SCOC: variants seen among roughly 807,000 people sequenced by gnomAD.
SCOC encodes short coiled coil protein.
A neutral mutation model predicts 9.9 loss-of-function variants in SCOC; 7 were observed. The ratio of observed to expected loss-of-function variants is 0.71; its 90% CI spans 0.40 to 1.33. SCOC has a LOEUF of 1.33. Ranked by LOEUF, SCOC falls within the 40% of genes most tolerant of loss-of-function variation. The pLI is 0.01. For synonymous variants in SCOC, 19 were observed against 28.2 expected, an observed-to-expected ratio of 0.67 and a Z score of 1.03; for missense variants, 66 against 89.7, an observed-to-expected ratio of 0.74 and a Z score of 1.07.
chr4:140,321,835 C>T (rs766786108), intron 1 of SCOC, among the ~76,000 whole-genome samples: 1 of 152,172 alleles, frequency 6.6e-6, no homozygotes, highest in African/African-American at 2.4e-5. Flanking sequence ...ATGTATCCCC[C>T]TCAGATTCAT....
At chr4:140,352,819 A>T (rs1727038679) in intron 2 of SCOC, among the ~76,000 whole-genome samples, 1 of 152,214 alleles carries the variant, frequency 6.6e-6, no homozygotes, top group South Asian at 2.1e-4. Context: ...ATAAGCACAA[A>T]AAAAGGGAGG....
At position 140,318,780 on chromosome 4, in the gene SCOC, C is replaced by T. The variant is rs1043126011; in HGVS notation, c.-18-24841C>T. Reference sequence around the variant, plus strand: ...ATGCTGCTATAAAGACACATGCACACGTATGTTTATTGCGGCATTATTCAC... The same window carrying T: ...ATGCTGCTATAAAGACACATGCACATGTATGTTTATTGCGGCATTATTCAC... On this transcript the variant is annotated intron_variant, in intron 1 of 4. Coordinates refer to the SCOC transcript ENST00000394205. Among the ~76,000 whole-genome samples the T allele has an allele frequency of 5.3e-5, 8 of 151,468 alleles. 1 individual carries two copies. Among genetic ancestry groups the T allele is most frequent in the South Asian group, 2.1e-4 (1 of 4,780 alleles).
intron 1 of SCOC, among the ~76,000 whole-genome samples, chr4:140,338,033 G>A (rs1174051932): frequency 2.0e-5 from 3 of 152,192 alleles, no homozygotes; most frequent in South Asian, 2.1e-4. Flanking sequence ...GATGAACATC[G>A]ATGCAAAAAT....
chr4:140,301,288 G>T (rs549095993), intron 1 of SCOC, among the ~76,000 whole-genome samples: 4 of 152,010 alleles, frequency 2.6e-5, no homozygotes, highest in Non-Finnish European at 5.9e-5. Context: ...TCTGTTCCGG[G>T]GTCTTTCAGC....
intron 2 of SCOC, among the ~76,000 whole-genome samples, chr4:140,361,390 G>A (rs117790622): frequency 1.1e-4 from 17 of 152,246 alleles, no homozygotes; most frequent in East Asian, 7.7e-4. Context: ...TTAGGCCAGC[G>A]CAGTGGCTCA....
rs548958781 is a variant in SCOC at position 140,311,380 on chromosome 4, G to A, written c.-18-32241G>A. Among the ~76,000 whole-genome samples the A allele has an allele frequency of 3.3e-5, 5 of 152,196 alleles. No homozygotes were observed. The South Asian group carries it at 1.0e-3, about 32-fold the overall frequency. The stretch of plus-strand genomic sequence containing the variant: ...AATGCTGTAAATACCCCTAGGGAGG[G>A]AGTACATTAACTCATAACCCCTTAT... On this transcript the variant is annotated intron_variant, in intron 1 of 4. Coordinates refer to the SCOC transcript ENST00000394205.
At chr4:140,369,216 G>A, upstream of SCOC, 1 of 367,708 alleles carries the variant, frequency 2.7e-6, no homozygotes. Flanking sequence ...TAGCTATATG[G>A]TATACTGTTG....
At chr4:140,362,369 C>T (rs1482260700) in intron 2 of SCOC, among the ~76,000 whole-genome samples, 1 of 130,764 alleles carries the variant, frequency 7.6e-6, no homozygotes, top group African/African-American at 2.9e-5. Context: ...GATCTTGGCT[C>T]ACTGCAACCT....
At chr4:140,314,295 GT>G in intron 1 of SCOC, 1 of 170,126 alleles carries the variant, frequency 5.9e-6, no homozygotes, top group Non-Finnish European at 1.3e-5. Context: ...CCAAGAGAGG[GT>G]TTTTGGGAGC....
intron 2 of SCOC, chr4:140,366,971 C>T: frequency 1.3e-5 from 6 of 461,134 alleles, no homozygotes; most frequent in Non-Finnish European, 2.4e-5. Flanking sequence ...TTTGGGAGGC[C>T]CAGGTGGGTG....
intron 1 of SCOC, among the ~76,000 whole-genome samples, chr4:140,320,019 G>C (rs1446808154): frequency 6.6e-6 from 1 of 152,180 alleles, no homozygotes; most frequent in Non-Finnish European, 1.5e-5. Context: ...CAACTCCAAG[G>C]GGCTGGGTAA....
intron 2 of SCOC, among the ~76,000 whole-genome samples, chr4:140,362,307 T>TCCTC (rs1367879973): frequency 1.5e-5 from 1 of 67,662 alleles, no homozygotes; most frequent in Non-Finnish European, 3.5e-5. Flanking sequence ...TTCTTTTTTT[T>TCCTC]TTTTTTTTGT....
chr4:140,351,503 A>G (rs1334795205), intron 2 of SCOC, among the ~76,000 whole-genome samples: 1 of 151,978 alleles, frequency 6.6e-6, no homozygotes, highest in Non-Finnish European at 1.5e-5. Context: ...CTCCTGAATA[A>G]TATTCAAAGC....
At chr4:140,307,792 T>C (rs1186480063) in intron 1 of SCOC, among the ~76,000 whole-genome samples, 4 of 152,224 alleles carry the variant, frequency 2.6e-5, no homozygotes, top group African/African-American at 9.6e-5. Flanking sequence ...CATTAGGGAT[T>C]GTATGCCTTT....
chr4:140,273,059 T>A (rs1253161329), intron 1 of SCOC, among the ~76,000 whole-genome samples: 2 of 152,174 alleles, frequency 1.3e-5, no homozygotes, highest in Non-Finnish European at 2.9e-5. Flanking sequence ...CACGTGCTCA[T>A]TTTTATCGAC....
chr4:140,262,934 C>A (rs1263483440), intron 1 of SCOC, among the ~76,000 whole-genome samples: 5 of 152,132 alleles, frequency 3.3e-5, no homozygotes, highest in African/African-American at 9.7e-5. Flanking sequence ...TTAGAAACCA[C>A]CCCATGATCC....
At chr4:140,282,022 A>T (rs1464545832) in intron 1 of SCOC, among the ~76,000 whole-genome samples, 1 of 152,186 alleles carries the variant, frequency 6.6e-6, no homozygotes, top group Non-Finnish European at 1.5e-5. Context: ...CTGCCCCCTT[A>T]TGATGTTTCA....
At chr4:140,360,183 G>A (rs757349513) in intron 2 of SCOC, among the ~76,000 whole-genome samples, 1 of 152,174 alleles carries the variant, frequency 6.6e-6, no homozygotes, top group Admixed American at 6.5e-5. Context: ...AGTAGAGAAT[G>A]TTACTAAAGG....
chr4:140,338,490 G>T (rs1726359243), upstream of SCOC, among the ~76,000 whole-genome samples: 1 of 152,162 alleles, frequency 6.6e-6, no homozygotes, highest in Non-Finnish European at 1.5e-5. Context: ...ATTCAATCAG[G>T]AAAAGAGGAA....
Sources: gnomAD v4.1 joint callset for allele counts (sites outside exome capture counted in the v4.1 genomes callset) on GRCh38, gnomAD v4.1.1 for gene constraint, MANE v1.5 for transcripts, NCBI Gene and HGNC (gene_info 2026-07-23, HGNC 2026-07-21) for gene names.